AGTPBP1: variants seen among roughly 807,000 people sequenced by gnomAD.
The protein encoded by AGTPBP1 is ATP/GTP binding carboxypeptidase 1, also known as cytosolic carboxypeptidase 1.
In AGTPBP1, 70 loss-of-function variants were observed where a neutral mutation model predicts 143.9. That is an observed-to-expected ratio of 0.49 (90% CI 0.40 to 0.59). AGTPBP1 has a LOEUF of 0.59. Ranked by LOEUF, AGTPBP1 falls within the 20% of genes least tolerant of loss-of-function variation. The pLI, the probability that AGTPBP1 is intolerant of heterozygous loss-of-function variation, is 0.00. For synonymous variants in AGTPBP1, 463 were observed against 500.2 expected, an observed-to-expected ratio of 0.93 and a Z score of 0.99; for missense variants, 1,229 against 1,464.5, an observed-to-expected ratio of 0.84 and a Z score of 2.62.
At chr9:85,585,375 T>C (rs899160656) in intron 23 of AGTPBP1, 88 bp downstream of exon 23, 34 of 1,236,276 alleles carry the variant, frequency 2.8e-5, no homozygotes, top group Non-Finnish European at 5.2e-6. Flanking sequence ...TCAATATTTA[T>C]TGAATGTGAG....
At chr9:85,676,374 T>G (rs1834832056) in intron 6 of AGTPBP1, among the ~76,000 whole-genome samples, 1 of 152,040 alleles carries the variant, frequency 6.6e-6, no homozygotes, top group Non-Finnish European at 1.5e-5. Context: ...GAGAAAGGAT[T>G]TTTTAAATGG....
intron 1 of AGTPBP1, among the ~76,000 whole-genome samples, chr9:85,718,604 T>G (rs1024002118): frequency 2.6e-5 from 4 of 152,234 alleles, no homozygotes; most frequent in Non-Finnish European, 4.4e-5. Flanking sequence ...AAAAATTTTC[T>G]CCCATTCTGT....
the AGTPBP1 span, among the ~76,000 whole-genome samples, chr9:85,790,184 A>C: frequency 1.3e-5 from 2 of 152,196 alleles, no homozygotes; most frequent in African/African-American, 4.8e-5. Context: ...CGAGAGTGAG[A>C]TCCATTTGCA....
the AGTPBP1 span, among the ~76,000 whole-genome samples, chr9:85,769,272 T>C: frequency 2.6e-5 from 4 of 152,108 alleles, no homozygotes; most frequent in Non-Finnish European, 4.4e-5. Context: ...CAGGAACTTA[T>C]CGAGGTGGCC....
the AGTPBP1 span, among the ~76,000 whole-genome samples, chr9:85,780,038 AGAT>A: frequency 6.6e-6 from 1 of 152,206 alleles, no homozygotes; most frequent in Non-Finnish European, 1.5e-5. Flanking sequence ...TTTTAAAACA[AGAT>A]GATGGACTAA....
the AGTPBP1 span, chr9:85,785,947 C>T: frequency 9.0e-5 from 51 of 567,282 alleles, no homozygotes; most frequent in Admixed American, 3.1e-4. Context: ...CATATTCACA[C>T]ATCTGTTCAT....
intron 25 of AGTPBP1, among the ~76,000 whole-genome samples, chr9:85,569,269 TAAGA>T (rs1457892657): frequency 5.9e-5 from 9 of 152,140 alleles, no homozygotes; most frequent in African/African-American, 1.7e-4. Context: ...GAGGTAAAGA[TAAGA>T]AATAGTACAA....
chr9:85,803,483 C>T, the AGTPBP1 span, among the ~76,000 whole-genome samples: 4 of 152,150 alleles, frequency 2.6e-5, no homozygotes, highest in African/African-American at 9.7e-5. Flanking sequence ...CAAATCTCTT[C>T]GGGTTCTTGT....
chr9:85,753,753 AATAAATAGATAGATAG>A, the AGTPBP1 span, among the ~76,000 whole-genome samples: 63 of 123,500 alleles, frequency 5.1e-4, no homozygotes, highest in African/African-American at 1.9e-3. Context: ...ACTCCCTCTC[AATAAATAGATAGATAG>A]ATAGATAGAT....
the AGTPBP1 span, among the ~76,000 whole-genome samples, chr9:85,757,988 T>G: frequency 6.6e-6 from 1 of 152,200 alleles, no homozygotes; most frequent in Non-Finnish European, 1.5e-5. Context: ...CTAAGAATGC[T>G]GGCAGCCAGA....
chr9:85,643,554 G>A (rs1333042417), intron 12 of AGTPBP1, among the ~76,000 whole-genome samples: 1 of 152,058 alleles, frequency 6.6e-6, no homozygotes, highest in Admixed American at 6.6e-5. Context: ...TAGAGTGCAT[G>A]GGAAATAAAG....
chr9:85,639,719 A>T (rs908311185), intron 13 of AGTPBP1, among the ~76,000 whole-genome samples: 3 of 152,250 alleles, frequency 2.0e-5, no homozygotes, highest in African/African-American at 7.2e-5. Flanking sequence ...AAATGCCATC[A>T]TGCTACCACA....
At chr9:85,732,546 A>T (rs1404437588) in intron 1 of AGTPBP1, among the ~76,000 whole-genome samples, 2 of 152,126 alleles carry the variant, frequency 1.3e-5, no homozygotes, top group East Asian at 3.8e-4. Flanking sequence ...CCCAATATAA[A>T]TCAAAATATA....
intron 25 of AGTPBP1, among the ~76,000 whole-genome samples, chr9:85,548,665 G>GTTTTTT (rs779748206): frequency 7.1e-6 from 1 of 141,270 alleles, no homozygotes; most frequent in Non-Finnish European, 1.5e-5. Flanking sequence ...TTTGGCTTTG[G>GTTTTTT]TTTTTTTTTG....
intron 6 of AGTPBP1, among the ~76,000 whole-genome samples, chr9:85,674,955 G>A (rs562541971): frequency 2.0e-5 from 3 of 152,096 alleles, no homozygotes; most frequent in African/African-American, 7.2e-5. Context: ...GGAGTGCAGT[G>A]GTACGATCTC....
At position 85,652,967 on chromosome 9, in the gene AGTPBP1, G is replaced by T. The variant is rs149991715; in HGVS notation, c.1087+2176C>A. On this transcript the variant is annotated intron_variant, in intron 11 of 25. Transcript: ENST00000357081. ...GTCTGGAGATATGGAGAATTGGTTG[G>T]TATGAGGACAAAAGACACATATTTG... 3.3e-5 allele frequency among the ~76,000 whole-genome samples: 5 copies of T among 152,298 alleles called. No homozygotes were observed. The East Asian group carries it at 9.7e-4, about 29-fold the overall frequency.
chr9:85,704,331 A>G (rs1836849568), intron 2 of AGTPBP1, among the ~76,000 whole-genome samples: 1 of 152,208 alleles, frequency 6.6e-6, no homozygotes, highest in South Asian at 2.1e-4. Flanking sequence ...TCAAATACAC[A>G]GCTGAATACA....
chr9:85,584,073 T>C (rs72744894), intron 23 of AGTPBP1, among the ~76,000 whole-genome samples: 8,841 of 152,086 alleles, frequency 0.058, 330 homozygotes, highest in Non-Finnish European at 0.084. Flanking sequence ...GGGAAGGCTC[T>C]GTGCATATGC....
In AGTPBP1 at chr9:85,619,014, G is replaced by A. The variant is rs748803738; in HGVS notation, c.2304C>T (p.Asn768=). The change falls in exon 17 of 26, where the codon AAC becomes AAT. Residue 768 remains asparagine, a synonymous_variant. Coordinates refer to ENST00000357081, the MANE Select transcript of AGTPBP1 (RefSeq NM_001330701.2). ...PGVAYRFNII[N]CEKSNSQFNY... is the part of the protein sequence containing the mutation. ...TAAACTGACTGTTGGACTTTTCACA[G>A]TTAATGATGTTAAACCTGTAAGCAA... 2 of 1,613,412 alleles carry A rather than the reference G, an allele frequency of 1.2e-6. No homozygotes were observed. The highest frequency in any genetic ancestry group is 2.7e-5 in the African/African-American group (2 of 74,876).
Sources: gnomAD v4.1 joint callset for allele counts (sites outside exome capture counted in the v4.1 genomes callset) on GRCh38, gnomAD v4.1.1 for gene constraint, MANE v1.5 for transcripts, NCBI Gene and HGNC (gene_info 2026-07-23, HGNC 2026-07-21) for gene names.